Variants in CCDC60 observed in about 807,000 individuals in gnomAD.
The protein encoded by CCDC60 is coiled-coil domain-containing protein 60.
Under a neutral mutation model 63.5 loss-of-function variants are expected in CCDC60, and 54 were observed. The ratio of observed to expected loss-of-function variants is 0.85; its 90% CI spans 0.68 to 1.07. CCDC60 has a LOEUF of 1.07. Ranked by LOEUF, CCDC60 falls within the 50% of genes least tolerant of loss-of-function variation. The pLI is 0.00. For missense variants in CCDC60, 651 were observed against 684.3 expected, an observed-to-expected ratio of 0.95 and a Z score of 0.54; for synonymous variants, 206 against 238.8, an observed-to-expected ratio of 0.86 and a Z score of 1.27.
chr12:119,370,596 C>G (rs1378003706), intron 1 of CCDC60, among the ~76,000 whole-genome samples: 1 of 152,178 alleles, frequency 6.6e-6, no homozygotes, highest in Non-Finnish European at 1.5e-5. Flanking sequence ...GTCCACTCCT[C>G]CCTGCTCATC....
At chr12:119,349,920 C>T (rs2136152219) in intron 1 of CCDC60, among the ~76,000 whole-genome samples, 1 of 152,286 alleles carries the variant, frequency 6.6e-6, no homozygotes, top group African/African-American at 2.4e-5. Flanking sequence ...ATGGTGTACC[C>T]AGTGCCTTTT....
intron 2 of CCDC60, among the ~76,000 whole-genome samples, chr12:119,455,964 G>GGGGA (rs1304884270): frequency 3.0e-4 from 40 of 131,614 alleles, no homozygotes; most frequent in African/African-American, 1.1e-3. Flanking sequence ...GAAGGAGGGA[G>GGGGA]GGGAGGGAGG....
intron 1 of CCDC60, among the ~76,000 whole-genome samples, chr12:119,391,585 G>A (rs1175720154): frequency 6.6e-6 from 1 of 152,204 alleles, no homozygotes; most frequent in Non-Finnish European, 1.5e-5. Flanking sequence ...AAGGGTTGTT[G>A]TGAATGTCAA....
intron 11 of CCDC60, among the ~76,000 whole-genome samples, chr12:119,524,019 T>C (rs556017481): frequency 1.3e-5 from 2 of 152,220 alleles, no homozygotes; most frequent in Non-Finnish European, 2.9e-5. Flanking sequence ...ATTCTAATCA[T>C]TGTCCTACAG....
chr12:119,500,047 C>G, intron 5 of CCDC60, 31 bp from the exon 6 acceptor site: 2 of 1,448,360 alleles, frequency 1.4e-6, no homozygotes, highest in South Asian at 2.3e-5. Context: ...ACTCTGGAAA[C>G]GGAAAACTCA....
At chr12:119,437,667 C>T (rs1006643986) in intron 2 of CCDC60, among the ~76,000 whole-genome samples, 12 of 152,190 alleles carry the variant, frequency 7.9e-5, no homozygotes, top group African/African-American at 1.9e-4. Context: ...TGCATCTCAT[C>T]GTTCAACACT....
At chr12:119,447,788 TCA>T (rs1488661190) in intron 2 of CCDC60, 1 of 152,490 alleles carries the variant, frequency 6.6e-6, no homozygotes, top group Non-Finnish European at 1.5e-5. Context: ...TGGCAGGAAG[TCA>T]CAGTGGCTAA....
At chr12:119,362,417 A>C (rs1955800119) in intron 1 of CCDC60, among the ~76,000 whole-genome samples, 1 of 152,152 alleles carries the variant, frequency 6.6e-6, no homozygotes, top group Admixed American at 6.5e-5. Context: ...GCAATAAATA[A>C]ATAAATAAAT....
chr12:119,380,781 C>T (rs1313195689), intron 1 of CCDC60, among the ~76,000 whole-genome samples: 1 of 152,194 alleles, frequency 6.6e-6, no homozygotes, highest in African/African-American at 2.4e-5. Flanking sequence ...AGGCCTCAGG[C>T]TCAGAGCCTT....
At chr12:119,465,032 C>T (rs1455357647) in intron 2 of CCDC60, among the ~76,000 whole-genome samples, 1 of 152,244 alleles carries the variant, frequency 6.6e-6, no homozygotes, top group African/African-American at 2.4e-5. Flanking sequence ...AATCTCTGGG[C>T]CAGGCGCGGT....
chr12:119,527,661 TCTTTC>T (rs1352636123), intron 11 of CCDC60, among the ~76,000 whole-genome samples: 20 of 122,030 alleles, frequency 1.6e-4, no homozygotes, highest in African/African-American at 6.4e-4. Flanking sequence ...TTTCTTTCTT[TCTTTC>T]TTTTTTTTTT....
intron 7 of CCDC60, among the ~76,000 whole-genome samples, chr12:119,508,889 A>ATATC (rs1329233751): frequency 6.6e-6 from 1 of 152,066 alleles, no homozygotes. Flanking sequence ...GTAGAGCGAT[A>ATATC]GCCCAGCTTC....
chr12:119,369,340 A>G (rs1013158822), intron 1 of CCDC60, among the ~76,000 whole-genome samples: 3 of 152,240 alleles, frequency 2.0e-5, no homozygotes, highest in African/African-American at 7.2e-5. Context: ...AAGGGTGAAC[A>G]CTGCAAGTGG....
intron 1 of CCDC60, chr12:119,402,425 G>A (rs561965884): frequency 2.0e-5 from 3 of 152,318 alleles, no homozygotes; most frequent in East Asian, 3.9e-4. Context: ...GTCTTAGATT[G>A]CACATCTGTT....
intron 1 of CCDC60, among the ~76,000 whole-genome samples, chr12:119,400,110 C>T (rs1161212971): frequency 2.8e-5 from 4 of 142,010 alleles, no homozygotes; most frequent in African/African-American, 5.3e-5. Flanking sequence ...AGTGCAGTGG[C>T]GCGATCTCAG....
intron 1 of CCDC60, among the ~76,000 whole-genome samples, chr12:119,402,663 TTAG>T (rs1393814009): frequency 6.6e-6 from 1 of 152,150 alleles, no homozygotes. Context: ...ACTTAGACAC[TTAG>T]TAGGTAAATG....
intron 4 of CCDC60, among the ~76,000 whole-genome samples, chr12:119,487,748 A>C (rs1245693241): frequency 6.6e-6 from 1 of 152,228 alleles, no homozygotes; most frequent in Non-Finnish European, 1.5e-5. Context: ...TGTAGGAAGA[A>C]TTAAATAATG....
chr12:119,462,791 C>CATCT (rs1555246399), intron 2 of CCDC60, among the ~76,000 whole-genome samples: 6 of 140,800 alleles, frequency 4.3e-5, no homozygotes, highest in Non-Finnish European at 9.2e-5. Context: ...CAACTAACTT[C>CATCT]ATTTATTTAT....
chr12:119,455,983 GAGAAAGAGAGAGAGAAAGAGAA>G (rs1440929240), intron 2 of CCDC60, among the ~76,000 whole-genome samples: 5 of 122,974 alleles, frequency 4.1e-5, no homozygotes, highest in African/African-American at 1.6e-4. Flanking sequence ...GGGAGGGAGA[GAGAAAGAGAGAGAGAAAGAGAA>G]AGAAAGAAAG....
Sources: gnomAD v4.1 joint callset for allele counts (sites outside exome capture counted in the v4.1 genomes callset) on GRCh38, gnomAD v4.1.1 for gene constraint, MANE v1.5 for transcripts, NCBI Gene and HGNC (gene_info 2026-07-23, HGNC 2026-07-21) for gene names.